Variants in BORCS5 observed in about 807,000 individuals in gnomAD.
BORCS5 encodes BLOC-1 related complex subunit 5, also known as BLOC-1-related complex subunit 5.
BORCS5 carries 17 observed loss-of-function variants against 22.1 expected under a neutral mutation model. The observed-to-expected ratio is 0.77, with a 90% confidence interval of 0.53 to 1.15. BORCS5 has a LOEUF of 1.15. Ranked by LOEUF, BORCS5 falls within the 50% of genes most tolerant of loss-of-function variation. The probability of loss-of-function intolerance (pLI) is 0.00; values close to 1 mark genes in which losing one functional copy is unlikely to be tolerated. For synonymous variants in BORCS5, 117 were observed against 99.8 expected (o/e 1.17, Z -1.03); for missense variants, 247 against 253.2 (o/e 0.98, Z 0.17).
intron 2 of BORCS5, among the ~76,000 whole-genome samples, chr12:12,405,130 C>T (rs951020919): frequency 2.6e-5 from 4 of 152,088 alleles, no homozygotes; most frequent in Non-Finnish European, 5.9e-5. Context: ...TGGTAAATGC[C>T]GAAAGTGAAC....
chr12:12,369,712 CTTTTTT>C (rs71061052), intron 2 of BORCS5, among the ~76,000 whole-genome samples: 747 of 42,928 alleles, frequency 0.017, 6 homozygotes, highest in African/African-American at 0.071. Flanking sequence ...CCCCCCACTT[CTTTTTT>C]TTTTTTTTTT....
At position 12,369,366 on chromosome 12, in the gene BORCS5, G is replaced by T. The variant is rs551647618; in HGVS notation, c.202+8017G>T. Among the ~76,000 whole-genome samples, 283 of 152,168 alleles carry T rather than the reference G, an allele frequency of 1.9e-3. 2 individuals are homozygous for T. Among genetic ancestry groups the T allele is most frequent in the African/African-American group, 6.5e-3 (271 of 41,514 alleles). ...CAGCATATAGTAGGGTCTTGCTTTT[G>T]TATTTAGGCTATCGTCTGCTTTTTA... On this transcript the variant is annotated intron_variant, in intron 2 of 3. Transcript: ENST00000314565.
chr12:12,457,600 G>T (rs1943022327), intron 3 of BORCS5, among the ~76,000 whole-genome samples: 1 of 152,166 alleles, frequency 6.6e-6, no homozygotes, highest in African/African-American at 2.4e-5. Flanking sequence ...ACCCCGGGGG[G>T]CAGAGCCTGC....
chr12:12,465,486 G>C (rs146465964), intron 3 of BORCS5, 60 bp from the exon 4 acceptor site: 1 of 1,453,874 alleles, frequency 6.9e-7, no homozygotes, highest in Non-Finnish European at 9.5e-7. Flanking sequence ...CTGGACACCC[G>C]GCCCTGCGGA....
intron 3 of BORCS5, among the ~76,000 whole-genome samples, chr12:12,443,177 G>A (rs923707133): frequency 2.6e-5 from 4 of 152,136 alleles, no homozygotes; most frequent in East Asian, 1.9e-4. Flanking sequence ...TCCTGTGGCC[G>A]CTTTTAAATA....
intron 3 of BORCS5, among the ~76,000 whole-genome samples, chr12:12,453,090 C>CT (rs2136149232): frequency 6.6e-6 from 1 of 152,186 alleles, no homozygotes; most frequent in East Asian, 1.9e-4. Flanking sequence ...GAAGAAAGGT[C>CT]TTGAAGAAGG....
chr12:12,385,749 C>T (rs913019951), intron 2 of BORCS5, among the ~76,000 whole-genome samples: 2 of 151,090 alleles, frequency 1.3e-5, no homozygotes, highest in African/African-American at 4.9e-5. Context: ...ACCTCGTGAT[C>T]CGCCTGCCTC....
At chr12:12,409,976 G>A (rs957774856) in intron 2 of BORCS5, among the ~76,000 whole-genome samples, 6 of 152,158 alleles carry the variant, frequency 3.9e-5, no homozygotes, top group Admixed American at 2.6e-4. Context: ...TTCTCTGATG[G>A]CCAGTGATGA....
intron 2 of BORCS5, among the ~76,000 whole-genome samples, chr12:12,389,496 A>G (rs1863955693): frequency 6.6e-6 from 1 of 151,752 alleles, no homozygotes; most frequent in African/African-American, 2.4e-5. Context: ...TACCTCTGCC[A>G]GTATCTTTTA....
chr12:12,382,705 G>A (rs1212815587), intron 2 of BORCS5, among the ~76,000 whole-genome samples: 2 of 150,766 alleles, frequency 1.3e-5, no homozygotes, highest in South Asian at 2.1e-4. Context: ...TCTAATTTTT[G>A]TATTTTTAGT....
chr12:12,374,027 G>A (rs1171554329), intron 2 of BORCS5, among the ~76,000 whole-genome samples: 5 of 129,058 alleles, frequency 3.9e-5, no homozygotes, highest in Admixed American at 1.8e-4. Context: ...TCGCTCTGTC[G>A]CCCAGGCTTG....
chr12:12,452,080 C>A, intron 3 of BORCS5: 2 of 452,492 alleles, frequency 4.4e-6, no homozygotes, highest in South Asian at 3.8e-5. Context: ...TGGATTTTAC[C>A]TGGGAGTAGC....
intron 2 of BORCS5, among the ~76,000 whole-genome samples, chr12:12,367,325 C>T (rs548209833): frequency 2.6e-5 from 4 of 152,210 alleles, no homozygotes; most frequent in Non-Finnish European, 4.4e-5. Flanking sequence ...CAGACCTTAT[C>T]ATTGCATTGG....
rs1283166039 is a variant in BORCS5 at position 12,413,830 on chromosome 12, G to A, written c.203-21798G>A. 5.4e-5 allele frequency among the ~76,000 whole-genome samples: 4 copies of A among 74,500 alleles called. 1 individual carries two copies. Among genetic ancestry groups the A allele is most frequent in the Non-Finnish European group, 1.1e-4 (4 of 36,138 alleles). The allele number at this position is 74,500 out of a possible 152,430, so 48.9% of individuals were successfully genotyped here. A position where few individuals can be genotyped will look rare whatever the true frequency, so the allele number is the denominator to read the frequency against. ...TCCCGGACGGGGCGGCTGGCCAGGC[G>A]GGGGGCTGGCCCCCCCACCTCCCTC... On this transcript the variant is annotated intron_variant, in intron 2 of 3. Coordinates refer to ENST00000314565, the MANE Select transcript of BORCS5 (RefSeq NM_058169.6).
In BORCS5 at chr12:12,433,348, A is replaced by AAAT. The variant is rs35052204; in HGVS notation, c.203-2280_203-2279insAAT. 5.7e-3 allele frequency among the ~76,000 whole-genome samples: 713 copies of AAAT among 126,096 alleles called. 36 individuals are homozygous for AAAT. The highest frequency in any genetic ancestry group is 9.0e-3 in the Non-Finnish European group (529 of 58,718). 82.7% of individuals were successfully genotyped at this position (126,096 alleles called of 152,430 possible). A position where few individuals can be genotyped will look rare whatever the true frequency, so the allele number is the denominator to read the frequency against. Reference sequence around the variant, plus strand: ...AAAAAAAAAAAAAAAAAAAAAAAAAAGGAAATCTGCCCGGGTGCAGCGGCA... The same window carrying AAAT: ...AAAAAAAAAAAAAAAAAAAAAAAAAAAATGGAAATCTGCCCGGGTGCAGCGGCA... On this transcript the variant is annotated intron_variant, in intron 2 of 3. Transcript: ENST00000314565.
intron 3 of BORCS5, among the ~76,000 whole-genome samples, chr12:12,454,714 G>C (rs1275970192): frequency 6.6e-6 from 1 of 152,148 alleles, no homozygotes; most frequent in Non-Finnish European, 1.5e-5. Flanking sequence ...GAACTTCCAA[G>C]CATACTTTGC....
chr12:12,445,120 G>A (rs946703639), intron 3 of BORCS5, among the ~76,000 whole-genome samples: 6 of 151,992 alleles, frequency 3.9e-5, no homozygotes, highest in Admixed American at 1.3e-4. Flanking sequence ...CATAGCTTCC[G>A]GTAGCCTCAA....
intron 2 of BORCS5, among the ~76,000 whole-genome samples, chr12:12,369,254 C>T (rs938671337): frequency 6.6e-6 from 1 of 152,308 alleles, no homozygotes; most frequent in African/African-American, 2.4e-5. Flanking sequence ...CTTTCTTACA[C>T]TTACTATTTG....
intron 2 of BORCS5, among the ~76,000 whole-genome samples, chr12:12,419,215 C>G (rs1010060782): frequency 2.0e-5 from 3 of 152,134 alleles, no homozygotes; most frequent in African/African-American, 7.2e-5. Context: ...CCCTGACAGG[C>G]CCCGGTGTAT....
Sources: allele counts gnomAD v4.1 joint callset (sites outside exome capture counted in the v4.1 genomes callset), GRCh38; gene constraint gnomAD v4.1.1; transcripts MANE v1.5; gene names NCBI Gene and HGNC (gene_info 2026-07-23, HGNC 2026-07-21).